Variants in RHOT1 observed in about 807,000 individuals in gnomAD.
RHOT1 encodes ras homolog family member T1.
A neutral mutation model predicts 95.3 loss-of-function variants in RHOT1; 27 were observed. The observed-to-expected ratio is 0.28, with a 90% CI of 0.21 to 0.39. RHOT1 has a LOEUF of 0.39. Ranked by LOEUF, RHOT1 falls within the 10% of genes least tolerant of loss-of-function variation. The pLI is 1.00. For synonymous variants in RHOT1, 227 were observed against 263.5 expected, an observed-to-expected ratio of 0.86 and a Z score of 1.34; for missense variants, 578 against 786.7, an observed-to-expected ratio of 0.73 and a Z score of 3.17.
chr17:32,152,442 G>C (rs959789737), intron 1 of RHOT1, among the ~76,000 whole-genome samples: 6 of 152,158 alleles, frequency 3.9e-5, no homozygotes, highest in Non-Finnish European at 8.8e-5. Context: ...CTGTGACTGG[G>C]AAAAAGTTTG....
chr17:32,149,710 C>CATACACATATAT (rs1313806128), intron 1 of RHOT1, among the ~76,000 whole-genome samples: 35 of 144,942 alleles, frequency 2.4e-4, no homozygotes, highest in Non-Finnish European at 4.5e-4. Context: ...TATATACACA[C>CATACACATATAT]ATACACATAT....
chr17:32,207,236 G>A, intron 17 of RHOT1: 2 of 453,590 alleles, frequency 4.4e-6, no homozygotes. Flanking sequence ...TTTTCGACAT[G>A]TGATTGTGAG....
At chr17:32,172,795 A>C (rs1292358353) in intron 2 of RHOT1, 1 of 152,390 alleles carries the variant, frequency 6.6e-6, no homozygotes, top group Non-Finnish European at 1.5e-5. Flanking sequence ...GTGCCATTGC[A>C]CTCCAGCCTG....
chr17:32,172,169 A>G (rs1453138109), intron 2 of RHOT1, among the ~76,000 whole-genome samples: 3 of 152,206 alleles, frequency 2.0e-5, no homozygotes, highest in Admixed American at 6.5e-5. Context: ...AATTTGATGT[A>G]TCATGTGATA....
chr17:32,149,631 A>ATGTGTG (rs1417047494), intron 1 of RHOT1, among the ~76,000 whole-genome samples: 7 of 88,166 alleles, frequency 7.9e-5, no homozygotes, highest in Non-Finnish European at 1.4e-4. Flanking sequence ...ATATATATAT[A>ATGTGTG]TATATGTGTG....
At chr17:32,208,728 A>T (rs941675769) in intron 18 of RHOT1, 1 of 160,796 alleles carries the variant, frequency 6.2e-6, no homozygotes, top group African/African-American at 2.4e-5. Flanking sequence ...TTATTAATTT[A>T]TGTTGAAATT....
At chr17:32,191,940 C>T (rs1319684938) in intron 8 of RHOT1, among the ~76,000 whole-genome samples, 2 of 152,082 alleles carry the variant, frequency 1.3e-5, no homozygotes, top group Non-Finnish European at 2.9e-5. Context: ...ATGAATCCCT[C>T]CTAAAGATGA....
At position 32,176,195 on chromosome 17, in the gene RHOT1, G is replaced by A. The variant is rs534936297; in HGVS notation, c.311G>A (p.Arg104Lys). The A allele has an allele frequency of 3.5e-5, 57 of 1,610,576 alleles. No individual in the cohort carries two copies. The South Asian group carries it at 6.3e-4, about 18-fold the overall frequency. ...CGATGGATTCCTCTCATAAATGAAA[G>A]AACAGACAAAGACAGCAGGTATTTT... ...TSRWIPLINE[R>K]TDKDSRLPLI... The change falls in exon 6 of 20, where the codon AGA (arginine) becomes AAA (lysine). Residue 104 changes from arginine to lysine, a missense_variant. This residue lies in a region of RHOT1 where 227 missense variants were observed against 316.0 expected (regional missense o/e 0.72). Transcript: ENST00000545287.
At chr17:32,173,785 ATAT>A in intron 2 of RHOT1, 43 bp from the exon 3 acceptor site, 2 of 1,244,574 alleles carry the variant, frequency 1.6e-6, no homozygotes, top group Middle Eastern at 2.8e-4. Context: ...TTGAGTGATA[ATAT>A]TCAAAGGTGT....
At chr17:32,172,308 G>A (rs1207085298) in intron 2 of RHOT1, among the ~76,000 whole-genome samples, 1 of 152,112 alleles carries the variant, frequency 6.6e-6, no homozygotes, top group East Asian at 1.9e-4. Flanking sequence ...TGTATTATTT[G>A]TAGAATCAGT....
chr17:32,218,082 C>T (rs540549019), intron 19 of RHOT1, among the ~76,000 whole-genome samples: 5 of 151,880 alleles, frequency 3.3e-5, no homozygotes, highest in South Asian at 2.1e-4. Flanking sequence ...AGGCTGATCT[C>T]GAACTCCTAA....
chr17:32,175,834 T>G, intron 4 of RHOT1, 128 bp from the exon 5 acceptor site: 1 of 574,542 alleles, frequency 1.7e-6, no homozygotes, highest in South Asian at 3.3e-5. Context: ...AATTCTTTTT[T>G]TGTTTTTTTG....
At chr17:32,222,941 C>T in intron 19 of RHOT1, 1 of 940,540 alleles carries the variant, frequency 1.1e-6, no homozygotes, top group Non-Finnish European at 1.3e-6. Flanking sequence ...GGAGTTTTTC[C>T]AGCTTGAAAA....
At chr17:32,190,586 A>G (rs2036416641) in intron 8 of RHOT1, among the ~76,000 whole-genome samples, 2 of 152,320 alleles carry the variant, frequency 1.3e-5, no homozygotes, top group East Asian at 3.9e-4. Context: ...TATTCTTGCT[A>G]TTGCTTCTTT....
At position 32,209,171 on chromosome 17, in the gene RHOT1, A is replaced by C. The variant is rs1222915168; in HGVS notation, c.1739+862A>C. On this transcript the variant is annotated intron_variant, in intron 18 of 19. Transcript: ENST00000545287. ...TTTTCAAAAAGGTGTTGATTTGTAC[A>C]GATTTTTAAAGTCAGTTAACTTTAC... The C allele has an allele frequency of 1.1e-5, 4 of 370,918 alleles. No homozygotes were observed. The East Asian group carries it at 1.7e-4, about 15-fold the overall frequency. 23.0% of individuals were successfully genotyped at this position (370,918 alleles called of 1,614,324 possible). A position where few individuals can be genotyped will look rare whatever the true frequency, so the allele number is the denominator to read the frequency against.
At chr17:32,211,929 A>G (rs2038162699) in intron 19 of RHOT1, among the ~76,000 whole-genome samples, 1 of 152,216 alleles carries the variant, frequency 6.6e-6, no homozygotes, top group African/African-American at 2.4e-5. Flanking sequence ...AAAAGGATGC[A>G]TATATTCCCT....
At chr17:32,210,611 G>A (rs1488030308) in intron 18 of RHOT1, among the ~76,000 whole-genome samples, 1 of 152,132 alleles carries the variant, frequency 6.6e-6, no homozygotes, top group Non-Finnish European at 1.5e-5. Flanking sequence ...TCTTCTCAGG[G>A]TTGAATACAC....
intron 2 of RHOT1, among the ~76,000 whole-genome samples, chr17:32,172,563 T>C (rs935688420): frequency 1.3e-5 from 2 of 152,268 alleles, no homozygotes; most frequent in Non-Finnish European, 2.9e-5. Context: ...CTGGGCGCAG[T>C]GGCTCACGCC....
chr17:32,147,796 G>A (rs1051542288), intron 1 of RHOT1, among the ~76,000 whole-genome samples: 17 of 151,162 alleles, frequency 1.1e-4, no homozygotes, highest in African/African-American at 3.9e-4. Context: ...TCCAGCCTGG[G>A]CGATAGAGTG....
Sources: allele counts gnomAD v4.1 joint callset (sites outside exome capture counted in the v4.1 genomes callset), GRCh38; gene constraint gnomAD v4.1.1; regional missense constraint gnomAD v4.1.1; transcripts MANE v1.5; gene names NCBI Gene and HGNC (gene_info 2026-07-23, HGNC 2026-07-21).